Variants in N4BP2 observed in about 807,000 individuals in gnomAD.
The protein encoded by N4BP2 is NEDD4-binding protein 2.
A neutral mutation model predicts 152.8 loss-of-function variants in N4BP2; 91 were observed. That is an observed-to-expected ratio of 0.60 (90% CI 0.50 to 0.71). The LOEUF is 0.71. Ranked by LOEUF, N4BP2 falls within the 30% of genes least tolerant of loss-of-function variation. N4BP2 has a pLI of 0.00. For missense variants in N4BP2, 1,923 were observed against 2,059.1 expected (o/e 0.93, Z 1.28); for synonymous variants, 646 against 705.3 (o/e 0.92, Z 1.33).
intron 1 of N4BP2, among the ~76,000 whole-genome samples, chr4:40,066,184 C>T (rs1027124647): frequency 6.6e-6 from 1 of 152,214 alleles, no homozygotes; most frequent in South Asian, 2.1e-4. Flanking sequence ...CTGCCTCAGC[C>T]TCCCAGTGTG....
At chr4:40,183,450 C>T in the N4BP2 span, among the ~76,000 whole-genome samples, 2 of 152,036 alleles carry the variant, frequency 1.3e-5, no homozygotes, top group Non-Finnish European at 2.9e-5. Flanking sequence ...ATTCTCCTGC[C>T]TCAGCCTCCC....
At chr4:40,149,483 G>C (rs1720934902) in intron 16 of N4BP2, among the ~76,000 whole-genome samples, 1 of 152,000 alleles carries the variant, frequency 6.6e-6, no homozygotes, top group South Asian at 2.1e-4. Context: ...ATGATGGAAT[G>C]TTCTGGAATT....
chr4:40,064,356 C>T (rs1432726040), intron 1 of N4BP2, among the ~76,000 whole-genome samples: 1 of 152,018 alleles, frequency 6.6e-6, no homozygotes, highest in Non-Finnish European at 1.5e-5. Flanking sequence ...CTCACTGCAA[C>T]CTCTGCCTCT....
chr4:40,096,946 G>A (rs866932286), intron 2 of N4BP2, among the ~76,000 whole-genome samples: 1 of 152,084 alleles, frequency 6.6e-6, no homozygotes, highest in Non-Finnish European at 1.5e-5. Flanking sequence ...TGTTCAGTAC[G>A]CATTCTAATT....
chr4:40,105,737 G>C (rs968093557), intron 4 of N4BP2, among the ~76,000 whole-genome samples: 2 of 151,894 alleles, frequency 1.3e-5, no homozygotes, highest in Non-Finnish European at 1.5e-5. Context: ...TTTTTGTAGA[G>C]ACAGAGTCTT....
chr4:40,145,596 G>A (rs747175265), intron 16 of N4BP2, among the ~76,000 whole-genome samples: 26 of 152,248 alleles, frequency 1.7e-4, no homozygotes, highest in Admixed American at 5.2e-4. Flanking sequence ...TTTAAGAGCC[G>A]TTTAAATTAT....
At chr4:40,084,942 T>G (rs939604628) in intron 2 of N4BP2, among the ~76,000 whole-genome samples, 1 of 140,126 alleles carries the variant, frequency 7.1e-6, no homozygotes, top group African/African-American at 2.7e-5. Flanking sequence ...AGATGGAGTC[T>G]CGCTGTGTCG....
At chr4:40,062,562 C>CTTT (rs1330023601) in intron 1 of N4BP2, among the ~76,000 whole-genome samples, 5 of 137,224 alleles carry the variant, frequency 3.6e-5, no homozygotes, top group South Asian at 2.3e-4. Context: ...TTCTGAACTT[C>CTTT]TTTTTTTTTT....
At chr4:40,073,122 G>A (rs1706023) in intron 1 of N4BP2, among the ~76,000 whole-genome samples, 55,261 of 151,908 alleles carry the variant, frequency 0.36, 10,827 homozygotes, top group Middle Eastern at 0.45. Flanking sequence ...AATTAGTTTT[G>A]GGTTCTGTTG....
the N4BP2 span, among the ~76,000 whole-genome samples, chr4:40,184,274 C>T: frequency 6.6e-6 from 1 of 151,804 alleles, no homozygotes; most frequent in East Asian, 1.9e-4. Flanking sequence ...TATGGCTGCA[C>T]GGGCTAGAAT....
At chr4:40,069,076 C>T (rs1020898529) in intron 1 of N4BP2, among the ~76,000 whole-genome samples, 38 of 151,052 alleles carry the variant, frequency 2.5e-4, no homozygotes, top group African/African-American at 4.1e-4. Flanking sequence ...GCCGGGATCG[C>T]GCCACTGCAC....
intron 2 of N4BP2, among the ~76,000 whole-genome samples, chr4:40,096,576 TTTAA>T (rs560633262): frequency 4.3e-4 from 66 of 152,208 alleles, no homozygotes; most frequent in African/African-American, 1.5e-3. Context: ...CACCATGTGG[TTTAA>T]TTGAGTCACG....
At chr4:40,173,599 G>T in the N4BP2 span, among the ~76,000 whole-genome samples, 2 of 152,168 alleles carry the variant, frequency 1.3e-5, no homozygotes, top group Non-Finnish European at 2.9e-5. Context: ...TCTGTGCAAG[G>T]TTAACAGTGT....
Position 40,121,840 on chromosome 4 carries a change from A to G in N4BP2, c.3729A>G (p.Leu1243=), listed in dbSNP as rs758859814. Residue 1243 remains leucine, a synonymous_variant, in exon 9 of 18, where the codon TTA becomes TTG. Transcript: ENST00000261435. ...DILPNSQEEL[L]YSSKQSFPGI... ...TTCCTAACAGCCAGGAAGAACTTTT[A>G]TATAGCAGTAAGCAGTCCTTTCCAG... The G allele has an allele frequency of 1.1e-5, 18 of 1,613,990 alleles. No homozygotes were observed. The highest frequency in any genetic ancestry group is 7.7e-5 in the South Asian group (7 of 91,084).
At chr4:40,064,653 G>A (rs962232955) in intron 1 of N4BP2, among the ~76,000 whole-genome samples, 1 of 152,202 alleles carries the variant, frequency 6.6e-6, no homozygotes, top group Non-Finnish European at 1.5e-5. Context: ...GTCTCAACAA[G>A]TAAATACAAA....
At chr4:40,141,923 C>G (rs1390959861) in intron 14 of N4BP2, among the ~76,000 whole-genome samples, 1 of 152,084 alleles carries the variant, frequency 6.6e-6, no homozygotes. Flanking sequence ...CCGTCTCCAC[C>G]AAAAAAATAG....
chr4:40,142,482 C>T (rs1028203790), intron 14 of N4BP2, 191 bp from the exon 15 acceptor site: 8 of 538,606 alleles, frequency 1.5e-5, no homozygotes, highest in Non-Finnish European at 2.3e-5. Flanking sequence ...GTAACCTTAG[C>T]GGCATAAAAA....
chr4:40,080,960 C>T (rs913841455), intron 2 of N4BP2, among the ~76,000 whole-genome samples: 4 of 151,968 alleles, frequency 2.6e-5, no homozygotes, highest in African/African-American at 9.7e-5. Flanking sequence ...GCCACTGCGC[C>T]TGGCAAGAAT....
At chr4:40,147,624 C>T (rs996320849) in intron 16 of N4BP2, among the ~76,000 whole-genome samples, 3 of 150,272 alleles carry the variant, frequency 2.0e-5, no homozygotes, top group Non-Finnish European at 4.5e-5. Context: ...GGCGGCTGGC[C>T]GGGCGGGGGC....
Sources: allele counts gnomAD v4.1 joint callset (sites outside exome capture counted in the v4.1 genomes callset), GRCh38; gene constraint gnomAD v4.1.1; transcripts MANE v1.5; gene names NCBI Gene and HGNC (gene_info 2026-07-23, HGNC 2026-07-21).